NRG3: variants seen among roughly 807,000 people sequenced by gnomAD.
NRG3 encodes neuregulin 3, also known as pro-neuregulin-3, membrane-bound isoform.
In NRG3, 31 loss-of-function variants were observed where a neutral mutation model predicts 66.9. The observed-to-expected ratio is 0.46, with a 90% CI of 0.35 to 0.63. The LOEUF is 0.63. Among genes scored for constraint, NRG3 ranks in the 20% least tolerant of loss-of-function variants. NRG3 has a pLI of 0.00. For synonymous variants in NRG3, 393 were observed against 359.4 expected, an observed-to-expected ratio of 1.09 and a Z score of -1.06; for missense variants, 910 against 878.9, an observed-to-expected ratio of 1.04 and a Z score of -0.45.
intron 1 of NRG3, among the ~76,000 whole-genome samples, chr10:82,174,376 A>C (rs988946): frequency 0.084 from 12,782 of 151,616 alleles, 830 homozygotes; most frequent in East Asian, 0.22. Flanking sequence ...CTTTATGCAC[A>C]TGTTTTTTTC....
Position 82,979,007 on chromosome 10 carries a change from C to T in NRG3, c.1470C>T (p.Ala490=). The part of the protein sequence containing the change: ...GQRSGMLHRN[A]FRRTPPSPRS... ...GAAGTGGCATGCTCCATAGGAATGC[C>T]TTCAGAAGGACACCCCCGTCACCCC... The change falls in exon 8 of 9, where the codon GCC becomes GCT. Residue 490 remains alanine, a synonymous_variant. Coordinates refer to ENST00000372141, the MANE Select transcript of NRG3 (RefSeq NM_001010848.4). The T allele has an allele frequency of 6.2e-7, 1 of 1,614,040 alleles. No homozygotes were observed. Among genetic ancestry groups the T allele is most frequent in the South Asian group, 1.1e-5 (1 of 91,078 alleles).
chr10:82,028,660 A>G (rs2062426220), intron 1 of NRG3, among the ~76,000 whole-genome samples: 1 of 152,058 alleles, frequency 6.6e-6, no homozygotes, highest in Admixed American at 6.6e-5. Context: ...ACACATCTTT[A>G]CTTATACAAA....
intron 1 of NRG3, among the ~76,000 whole-genome samples, chr10:82,241,676 G>T (rs752344586): frequency 2.0e-5 from 3 of 152,078 alleles, no homozygotes; most frequent in Non-Finnish European, 4.4e-5. Flanking sequence ...TTGTTCTTTT[G>T]TGGTGGTTAC....
At chr10:82,123,573 C>T (rs2068232454) in intron 1 of NRG3, among the ~76,000 whole-genome samples, 1 of 152,176 alleles carries the variant, frequency 6.6e-6, no homozygotes, top group Non-Finnish European at 1.5e-5. Context: ...ACACCTCCTT[C>T]TGTGTTCCTA....
At chr10:82,068,576 G>C (rs2064623580) in intron 1 of NRG3, among the ~76,000 whole-genome samples, 1 of 152,180 alleles carries the variant, frequency 6.6e-6, no homozygotes, top group South Asian at 2.1e-4. Flanking sequence ...ACAGGATGCT[G>C]TAAGAACACA....
At chr10:82,083,764 TTTTTTTTTG>T (rs1180093117) in intron 1 of NRG3, among the ~76,000 whole-genome samples, 2 of 149,112 alleles carry the variant, frequency 1.3e-5, no homozygotes, top group African/African-American at 5.0e-5. Flanking sequence ...CCGGCTAATG[TTTTTTTTTG>T]TTTTTTTTGT....
chr10:82,803,368 G>A (rs965014226), intron 3 of NRG3, among the ~76,000 whole-genome samples: 6 of 152,172 alleles, frequency 3.9e-5, no homozygotes, highest in African/African-American at 1.4e-4. Context: ...GACTCTAAAT[G>A]ACAGAATAGA....
chr10:82,984,608 A>G (rs1853263012), intron 8 of NRG3, among the ~76,000 whole-genome samples: 1 of 152,132 alleles, frequency 6.6e-6, no homozygotes, highest in Non-Finnish European at 1.5e-5. Flanking sequence ...GATGCTTAAT[A>G]TTGGGCTTCT....
chr10:82,923,478 C>T lies in NRG3; in HGVS notation c.1055-27991C>T, dbSNP rs552947795. Among the ~76,000 whole-genome samples, 7 of 152,306 alleles carry T rather than the reference C, an allele frequency of 4.6e-5. No individual in the cohort carries two copies. In the East Asian group the frequency reaches 7.7e-4, roughly 17 times the overall value. ...CCCTCTACTAGCTTGGAAAAATCTGCGAGAGCAAGAAGTATGTCTGTTCAT... is the reference window on the plus strand; with the variant it reads ...CCCTCTACTAGCTTGGAAAAATCTGTGAGAGCAAGAAGTATGTCTGTTCAT... On this transcript the variant is annotated intron_variant, in intron 4 of 8. Transcript: ENST00000372141.
chr10:82,401,109 G>A (rs1386425009), intron 2 of NRG3, among the ~76,000 whole-genome samples: 1 of 152,110 alleles, frequency 6.6e-6, no homozygotes, highest in Non-Finnish European at 1.5e-5. Context: ...CTGGAATGCA[G>A]AATATCTATG....
chr10:82,764,889 A>T (rs566483484), intron 3 of NRG3, among the ~76,000 whole-genome samples: 1 of 152,244 alleles, frequency 6.6e-6, no homozygotes, highest in Middle Eastern at 3.4e-3. Flanking sequence ...AGAGAGAGAG[A>T]GAAAGACAGA....
intron 2 of NRG3, among the ~76,000 whole-genome samples, chr10:82,678,098 C>T (rs1286964683): frequency 6.6e-6 from 1 of 152,150 alleles, no homozygotes; most frequent in African/African-American, 2.4e-5. Flanking sequence ...ATGCTTGAGC[C>T]CACACACATA....
chr10:82,342,376 A>C (rs79542579), intron 1 of NRG3, among the ~76,000 whole-genome samples: 1,742 of 152,180 alleles, frequency 0.011, 14 homozygotes, highest in Middle Eastern at 0.031. Flanking sequence ...AGCAATTTAC[A>C]CTGCCATCAA....
intron 3 of NRG3, among the ~76,000 whole-genome samples, chr10:82,742,377 T>C (rs1278319578): frequency 5.9e-5 from 9 of 152,164 alleles, no homozygotes; most frequent in Admixed American, 5.9e-4. Context: ...TTTCAAAAAC[T>C]CATCCCCTCT....
At chr10:81,883,617 T>C (rs1842371020) in intron 1 of NRG3, among the ~76,000 whole-genome samples, 1 of 152,218 alleles carries the variant, frequency 6.6e-6, no homozygotes, top group Non-Finnish European at 1.5e-5. Context: ...GCAACTACTT[T>C]AGCATTAGTA....
At chr10:82,699,296 G>A (rs907738201) in intron 2 of NRG3, among the ~76,000 whole-genome samples, 2 of 151,362 alleles carry the variant, frequency 1.3e-5, no homozygotes, top group African/African-American at 4.9e-5. Flanking sequence ...AGGCAGGGAG[G>A]GAGGGAGACA....
At chr10:82,823,198 G>A (rs1418912472) in intron 3 of NRG3, among the ~76,000 whole-genome samples, 2 of 152,196 alleles carry the variant, frequency 1.3e-5, no homozygotes, top group African/African-American at 4.8e-5. Context: ...TGGAGAGAGG[G>A]CAAGTACGAA....
At chr10:82,334,376 T>C (rs958941010) in intron 1 of NRG3, among the ~76,000 whole-genome samples, 5 of 152,122 alleles carry the variant, frequency 3.3e-5, no homozygotes, top group African/African-American at 4.8e-5. Context: ...AAAGGAAACA[T>C]GTAAACTGGC....
At chr10:81,968,518 C>G (rs1016873428) in intron 1 of NRG3, among the ~76,000 whole-genome samples, 1 of 152,174 alleles carries the variant, frequency 6.6e-6, no homozygotes, top group African/African-American at 2.4e-5. Context: ...GGACTGGGCA[C>G]CCCTCTTCCA....
Sources: gnomAD v4.1 joint callset for allele counts (sites outside exome capture counted in the v4.1 genomes callset) on GRCh38, gnomAD v4.1.1 for gene constraint, MANE v1.5 for transcripts, NCBI Gene and HGNC (gene_info 2026-07-23, HGNC 2026-07-21) for gene names.